MTUS2: variants seen among roughly 807,000 people sequenced by gnomAD.
MTUS2 encodes microtubule-associated tumor suppressor candidate 2.
A neutral mutation model predicts 114.1 loss-of-function variants in MTUS2; 40 were observed. The ratio of observed to expected loss-of-function variants is 0.35; its 90% CI spans 0.27 to 0.46. The LOEUF is 0.46. Among genes scored for constraint, MTUS2 ranks in the 20% least tolerant of loss-of-function variants. The pLI, the probability that MTUS2 is intolerant of heterozygous loss-of-function variation, is 1.00. For missense variants in MTUS2, 1,679 were observed against 1,705.4 expected, an observed-to-expected ratio of 0.98 and a Z score of 0.27; for synonymous variants, 688 against 672.0, an observed-to-expected ratio of 1.02 and a Z score of -0.37.
intron 2 of MTUS2, among the ~76,000 whole-genome samples, chr13:28,846,965 C>A (rs953830842): frequency 6.6e-6 from 1 of 152,186 alleles, no homozygotes; most frequent in Non-Finnish European, 1.5e-5. Flanking sequence ...GGCAAAGTGT[C>A]TTACACGTAA....
At chr13:28,921,787 GT>G (rs1411232192) in intron 2 of MTUS2, among the ~76,000 whole-genome samples, 1 of 152,160 alleles carries the variant, frequency 6.6e-6, no homozygotes, top group Non-Finnish European at 1.5e-5. Flanking sequence ...AGCCCAGCAT[GT>G]CTTTGCTCTC....
chr13:29,054,412 A>G (rs1888036286), intron 4 of MTUS2, among the ~76,000 whole-genome samples: 1 of 151,988 alleles, frequency 6.6e-6, no homozygotes, highest in African/African-American at 2.4e-5. Context: ...TAGACTTTTA[A>G]TTTTGATAAA....
chr13:29,377,465 G>C (rs1398509493), intron 8 of MTUS2, among the ~76,000 whole-genome samples: 1 of 152,050 alleles, frequency 6.6e-6, no homozygotes, highest in Non-Finnish European at 1.5e-5. Flanking sequence ...AAACCAATAA[G>C]ACAATAATAG....
chr13:29,427,518 A>G (rs1876638369), intron 8 of MTUS2, among the ~76,000 whole-genome samples: 1 of 152,210 alleles, frequency 6.6e-6, no homozygotes, highest in African/African-American at 2.4e-5. Flanking sequence ...CAATATTTTG[A>G]TAGGTACAGC....
chr13:29,106,001 G>A (rs1036130480), intron 5 of MTUS2, among the ~76,000 whole-genome samples: 3 of 152,156 alleles, frequency 2.0e-5, no homozygotes, highest in Non-Finnish European at 2.9e-5. Flanking sequence ...TTTGTCTCCT[G>A]GGTGCTAAGC....
At chr13:28,856,046 A>G (rs1876606288) in intron 2 of MTUS2, among the ~76,000 whole-genome samples, 1 of 152,184 alleles carries the variant, frequency 6.6e-6, no homozygotes, top group Non-Finnish European at 1.5e-5. Context: ...TATACCGCAC[A>G]TCTATGTACC....
intron 2 of MTUS2, among the ~76,000 whole-genome samples, chr13:28,930,950 T>C (rs76017427): frequency 0.012 from 1,832 of 152,320 alleles, 31 homozygotes; most frequent in African/African-American, 0.041. Context: ...CTGTTTGTTT[T>C]AGAAGAATTA....
At chr13:29,156,781 A>T (rs1490133450) in intron 5 of MTUS2, among the ~76,000 whole-genome samples, 7 of 152,128 alleles carry the variant, frequency 4.6e-5, no homozygotes, top group Non-Finnish European at 5.9e-5. Flanking sequence ...AAGTTTTCCA[A>T]ATATTCTGAT....
chr13:29,464,269 A>C (rs1879733455), intron 9 of MTUS2, among the ~76,000 whole-genome samples: 2 of 152,252 alleles, frequency 1.3e-5, no homozygotes. Flanking sequence ...TGAAGGCGGA[A>C]GCCTGGAAGC....
At chr13:29,342,430 G>T (rs1343734632) in intron 7 of MTUS2, among the ~76,000 whole-genome samples, 2 of 151,986 alleles carry the variant, frequency 1.3e-5, no homozygotes, top group African/African-American at 4.8e-5. Flanking sequence ...ATTGTAAAAG[G>T]GGTTGAGTTC....
At chr13:28,971,914 C>A (rs1008015202) in intron 2 of MTUS2, among the ~76,000 whole-genome samples, 1 of 152,182 alleles carries the variant, frequency 6.6e-6, no homozygotes, top group African/African-American at 2.4e-5. Context: ...GTAACCGATG[C>A]AATTCATGTG....
chr13:29,075,841 A>C (rs1029642609), intron 4 of MTUS2, among the ~76,000 whole-genome samples: 1 of 152,170 alleles, frequency 6.6e-6, no homozygotes, highest in Non-Finnish European at 1.5e-5. Context: ...GGTATTATTT[A>C]CCATCTGGAG....
rs73172619 is a variant in MTUS2 at position 29,433,238 on chromosome 13, C to T, written c.3118-6745C>T. 8.8e-3 allele frequency among the ~76,000 whole-genome samples: 1,344 copies of T among 152,348 alleles called. 19 individuals are homozygous for T. Among genetic ancestry groups the T allele is most frequent in the Non-Finnish European group, 0.014 (920 of 68,026 alleles). On this transcript the variant is annotated intron_variant, in intron 8 of 15. Transcript: ENST00000612955. ...TTACCCAGTGACTCTTCCCCACATG[C>T]ACAAAGGCAAAGGCTGAAATTATGC...
At chr13:29,306,278 T>G (rs945982380) in intron 6 of MTUS2, among the ~76,000 whole-genome samples, 12 of 152,088 alleles carry the variant, frequency 7.9e-5, no homozygotes, top group African/African-American at 2.9e-4. Flanking sequence ...GTATTGGAAG[T>G]TCTAGCCAGG....
intron 8 of MTUS2, among the ~76,000 whole-genome samples, chr13:29,391,074 C>T (rs544290368): frequency 4.0e-5 from 6 of 150,702 alleles, no homozygotes; most frequent in African/African-American, 1.5e-4. Context: ...ACCGTGTGCC[C>T]ATCCCAGATT....
At chr13:29,066,154 GTC>G (rs1235697528) in intron 4 of MTUS2, among the ~76,000 whole-genome samples, 1 of 152,306 alleles carries the variant, frequency 6.6e-6, no homozygotes, top group East Asian at 1.9e-4. Flanking sequence ...CAACATAAAT[GTC>G]TCTGCCTCAG....
chr13:28,853,438 A>T (rs1243547044), intron 2 of MTUS2, among the ~76,000 whole-genome samples: 1 of 152,180 alleles, frequency 6.6e-6, no homozygotes, highest in Non-Finnish European at 1.5e-5. Flanking sequence ...ATGAGACAGA[A>T]ACTAAGGTTT....
At chr13:29,029,395 A>G (rs1365573381) in intron 3 of MTUS2, among the ~76,000 whole-genome samples, 2 of 152,086 alleles carry the variant, frequency 1.3e-5, no homozygotes, top group African/African-American at 4.8e-5. Context: ...AAAGTGAACA[A>G]ATTGCCCTTC....
intron 2 of MTUS2, among the ~76,000 whole-genome samples, chr13:28,979,685 A>G (rs770914681): frequency 2.0e-5 from 3 of 152,166 alleles, no homozygotes; most frequent in Non-Finnish European, 2.9e-5. Context: ...AGTGATTCCC[A>G]GGTTCAAAAT....
Sources: allele counts gnomAD v4.1 joint callset (sites outside exome capture counted in the v4.1 genomes callset), GRCh38; gene constraint gnomAD v4.1.1; transcripts MANE v1.5; gene names NCBI Gene and HGNC (gene_info 2026-07-23, HGNC 2026-07-21).